Variants in GALNTL6 observed in about 807,000 individuals in gnomAD.
The protein encoded by GALNTL6 is polypeptide N-acetylgalactosaminyltransferase like 6.
In GALNTL6, 46 loss-of-function variants were observed where a neutral mutation model predicts 73.7. That is an observed-to-expected ratio of 0.62 (90% CI 0.49 to 0.80). GALNTL6 has a LOEUF of 0.80. Ranked by LOEUF, GALNTL6 falls within the 30% of genes least tolerant of loss-of-function variation. The probability of loss-of-function intolerance (pLI) is 0.00; values close to 1 mark genes in which losing one functional copy is unlikely to be tolerated. For missense variants in GALNTL6, 604 were observed against 755.0 expected (o/e 0.80, Z 2.34); for synonymous variants, 259 against 263.7 (o/e 0.98, Z 0.17).
chr4:172,480,547 A>T (rs1733415039), intron 5 of GALNTL6, among the ~76,000 whole-genome samples: 1 of 152,230 alleles, frequency 6.6e-6, no homozygotes. Context: ...ATAAAAAGGG[A>T]TGAGTGAAAT....
chr4:172,942,562 C>T (rs1379767234), intron 9 of GALNTL6, among the ~76,000 whole-genome samples: 1 of 152,166 alleles, frequency 6.6e-6, no homozygotes, highest in Non-Finnish European at 1.5e-5. Context: ...GGAAGAACAC[C>T]ATTCAGATTG....
intron 12 of GALNTL6, among the ~76,000 whole-genome samples, chr4:173,028,383 C>G (rs1753320179): frequency 6.6e-6 from 1 of 152,162 alleles, no homozygotes; most frequent in Non-Finnish European, 1.5e-5. Context: ...TTCTAATAGA[C>G]AGTCAGATGG....
At chr4:172,756,943 C>T (rs562715115) in intron 5 of GALNTL6, among the ~76,000 whole-genome samples, 98 of 152,250 alleles carry the variant, frequency 6.4e-4, no homozygotes, top group African/African-American at 2.2e-3. Flanking sequence ...TGAAAGATTA[C>T]ATTGATCTTT....
chr4:172,839,827 G>A (rs1465751853), intron 7 of GALNTL6, among the ~76,000 whole-genome samples: 1 of 152,144 alleles, frequency 6.6e-6, no homozygotes, highest in Non-Finnish European at 1.5e-5. Context: ...AAAACAGGAA[G>A]GATCTTGGCA....
At chr4:172,656,977 T>C (rs374312428) in intron 5 of GALNTL6, among the ~76,000 whole-genome samples, 4 of 152,072 alleles carry the variant, frequency 2.6e-5, no homozygotes, top group South Asian at 2.1e-4. Context: ...GGGAATTTGG[T>C]TTAAGGTCTC....
At chr4:172,015,360 G>A (rs1026396349) in intron 2 of GALNTL6, among the ~76,000 whole-genome samples, 2 of 151,938 alleles carry the variant, frequency 1.3e-5, no homozygotes, top group Admixed American at 6.6e-5. Context: ...TATAAAAATA[G>A]CTACTCGTGC....
intron 3 of GALNTL6, among the ~76,000 whole-genome samples, chr4:172,240,358 G>A (rs141018258): frequency 3.9e-5 from 6 of 151,914 alleles, no homozygotes; most frequent in Non-Finnish European, 8.8e-5. Flanking sequence ...TAAGTAGCAG[G>A]GACTACAGGC....
In GALNTL6 at chr4:172,051,187, G is replaced by GCATGGAGAC. The variant is rs1730848051; in HGVS notation, c.139-178468_139-178460dup. Among the ~76,000 whole-genome samples, 4 of 152,274 alleles carry GCATGGAGAC rather than the reference G, an allele frequency of 2.6e-5. No homozygotes were observed. The South Asian group carries it at 8.3e-4, about 32-fold the overall frequency. On this transcript the variant is annotated intron_variant, in intron 2 of 12. Transcript: ENST00000506823. ...ACTTAAATCCCTTATAGGAAGGGGA[G>GCATGGAGAC]CATGGAGACGGGCAGGTGCAGGAGC...
At position 173,041,428 on chromosome 4, in the gene GALNTL6, G is replaced by A. The variant is rs1457509034; in HGVS notation, c.*1328G>A. ...GGGAAGAAAACACAGGTATCAAGGT[G>A]GTTCTTGGGAAAAAAGAATCATGTT... On this transcript the variant is annotated 3_prime_UTR_variant, in exon 13 of 13. Coordinates refer to ENST00000506823, the MANE Select transcript of GALNTL6 (RefSeq NM_001034845.3). 2 of 152,000 alleles carry A rather than the reference G, an allele frequency of 1.3e-5. No homozygotes were observed. The highest frequency in any genetic ancestry group is 2.9e-5 in the Non-Finnish European group (2 of 67,986). The allele number at this position is 152,000 out of a possible 1,614,324, so 9.4% of individuals were successfully genotyped here. A position where few individuals can be genotyped will look rare whatever the true frequency, so the allele number is the denominator to read the frequency against.
chr4:172,637,845 G>A (rs900810161), intron 5 of GALNTL6, among the ~76,000 whole-genome samples: 3 of 151,910 alleles, frequency 2.0e-5, no homozygotes, highest in Non-Finnish European at 4.4e-5. Context: ...ATCACCACAA[G>A]GACTCTCAAG....
At chr4:172,729,179 G>A (rs1019845698) in intron 5 of GALNTL6, among the ~76,000 whole-genome samples, 2 of 151,994 alleles carry the variant, frequency 1.3e-5, no homozygotes, top group Non-Finnish European at 2.9e-5. Flanking sequence ...TCTGCAGGTT[G>A]TCTATTCAGT....
At chr4:172,782,294 A>G (rs1460363146) in intron 5 of GALNTL6, among the ~76,000 whole-genome samples, 1 of 152,194 alleles carries the variant, frequency 6.6e-6, no homozygotes, top group East Asian at 1.9e-4. Context: ...CTTTGAGAAA[A>G]GGAAGATTTG....
At chr4:172,670,494 T>G (rs916085021) in intron 5 of GALNTL6, among the ~76,000 whole-genome samples, 5 of 152,078 alleles carry the variant, frequency 3.3e-5, no homozygotes, top group Non-Finnish European at 7.4e-5. Flanking sequence ...TTTTATGGTG[T>G]TGTTTGTTTT....
intron 2 of GALNTL6, among the ~76,000 whole-genome samples, chr4:171,988,243 GTTC>G (rs1324321035): frequency 2.0e-5 from 3 of 152,160 alleles, no homozygotes; most frequent in Admixed American, 6.5e-5. Context: ...AAGGAAAGGA[GTTC>G]TTGTTTTGTA....
intron 5 of GALNTL6, among the ~76,000 whole-genome samples, chr4:172,427,804 A>C (rs957924692): frequency 7.9e-5 from 12 of 152,194 alleles, no homozygotes; most frequent in African/African-American, 2.9e-4. Flanking sequence ...CACCGTAACT[A>C]TATTTTGAAT....
intron 2 of GALNTL6, among the ~76,000 whole-genome samples, chr4:171,962,589 C>T (rs1739252022): frequency 1.3e-5 from 2 of 151,972 alleles, no homozygotes; most frequent in South Asian, 2.1e-4. Flanking sequence ...GGGGAGGAAC[C>T]CACAGTTCTG....
chr4:172,897,892 A>G (rs1331590095), intron 8 of GALNTL6, among the ~76,000 whole-genome samples: 2 of 152,174 alleles, frequency 1.3e-5, no homozygotes, highest in African/African-American at 4.8e-5. Context: ...CCAATCTTTC[A>G]GTGAGATGTA....
chr4:171,847,674 C>T (rs1484619996), intron 2 of GALNTL6, among the ~76,000 whole-genome samples: 5 of 152,166 alleles, frequency 3.3e-5, no homozygotes, highest in Non-Finnish European at 7.4e-5. Flanking sequence ...AATGTTCACA[C>T]CCTTACCAGG....
intron 5 of GALNTL6, among the ~76,000 whole-genome samples, chr4:172,630,426 G>A (rs772518283): frequency 2.6e-5 from 4 of 151,904 alleles, no homozygotes; most frequent in Non-Finnish European, 4.4e-5. Context: ...ACTAGAAATC[G>A]TAATTATCTC....
Sources: gnomAD v4.1 joint callset for allele counts (sites outside exome capture counted in the v4.1 genomes callset) on GRCh38, gnomAD v4.1.1 for gene constraint, MANE v1.5 for transcripts, NCBI Gene and HGNC (gene_info 2026-07-23, HGNC 2026-07-21) for gene names.